Variants in ZNF607 observed in about 807,000 individuals in gnomAD.
ZNF607 encodes the protein zinc finger protein 607.
ZNF607 carries 5 observed loss-of-function variants against 12.8 expected under a neutral mutation model. The ratio of observed to expected loss-of-function variants is 0.39; its 90% confidence interval spans 0.20 to 0.82. ZNF607 has a LOEUF of 0.82. Ranked by LOEUF, ZNF607 falls within the 40% of genes least tolerant of loss-of-function variation. The pLI, the probability that ZNF607 is intolerant of heterozygous loss-of-function variation, is 0.39. For synonymous variants in ZNF607, 287 were observed against 276.2 expected, an observed-to-expected ratio of 1.04 and a Z score of -0.39; for missense variants, 851 against 859.2, an observed-to-expected ratio of 0.99 and a Z score of 0.12.
In ZNF607 at chr19:37,698,147, T is replaced by C. The variant is rs371361210; in HGVS notation, c.1984A>G (p.Ile662Val). ...TCACCAGTATGAACTCTATGATGTA[T>C]ACTAAGTTCATGGCTACTATTAAAA... ...KAFNSSHELS[I>V]HHRVHTGEKP... Residue 662 changes from isoleucine (I) to valine (V), a missense_variant, in exon 5 of 5, where the codon ATA becomes GTA. Coordinates refer to ENST00000355202, the MANE Select transcript of ZNF607 (RefSeq NM_032689.5). The C allele has an allele frequency of 3.7e-6, 6 of 1,613,994 alleles. No individual in the cohort carries two copies. Among genetic ancestry groups the C allele is most frequent in the Non-Finnish European group, 5.1e-6 (6 of 1,180,012 alleles).
chr19:37,701,445 C>T (rs939493204), intron 4 of ZNF607, among the ~76,000 whole-genome samples: 5 of 152,182 alleles, frequency 3.3e-5, no homozygotes, highest in Admixed American at 6.5e-5. Flanking sequence ...CCCTGACTCC[C>T]GCCAAAGCGC....
intron 1 of ZNF607, among the ~76,000 whole-genome samples, chr19:37,718,348 T>C (rs890658137): frequency 2.0e-5 from 3 of 152,198 alleles, no homozygotes; most frequent in African/African-American, 7.2e-5. Flanking sequence ...TGCCTCATAA[T>C]ACTTAGCGCT....
chr19:37,707,370 G>A (rs2045093563), intron 4 of ZNF607, among the ~76,000 whole-genome samples: 1 of 151,950 alleles, frequency 6.6e-6, no homozygotes, highest in East Asian at 1.9e-4. Flanking sequence ...GCACACCTGT[G>A]GTCCCAGATA....
At chr19:37,710,041 G>A (rs2045119735) in intron 2 of ZNF607, among the ~76,000 whole-genome samples, 1 of 152,186 alleles carries the variant, frequency 6.6e-6, no homozygotes, top group Non-Finnish European at 1.5e-5. Context: ...TGCACTCCCA[G>A]CTACTCGGGA....
At chr19:37,709,171 G>A (rs2045110829) in intron 3 of ZNF607, among the ~76,000 whole-genome samples, 1 of 152,118 alleles carries the variant, frequency 6.6e-6, no homozygotes, top group South Asian at 2.1e-4. Flanking sequence ...TAAATCAAAT[G>A]AATTCTGTCT....
chr19:37,717,966 T>C (rs2059396400), intron 1 of ZNF607, among the ~76,000 whole-genome samples: 1 of 152,194 alleles, frequency 6.6e-6, no homozygotes, highest in South Asian at 2.1e-4. Flanking sequence ...ATTTGTATAA[T>C]ATCCAATCCC....
chr19:37,718,019 T>C (rs1046191993), intron 1 of ZNF607, among the ~76,000 whole-genome samples: 2 of 152,136 alleles, frequency 1.3e-5, no homozygotes, highest in Non-Finnish European at 2.9e-5. Context: ...ATAATCTCGT[T>C]CATTAGTTTT....
intron 4 of ZNF607, among the ~76,000 whole-genome samples, 198 bp from the exon 5 acceptor site, chr19:37,700,093 G>C (rs1252920736): frequency 1.3e-5 from 2 of 151,526 alleles, no homozygotes; most frequent in Admixed American, 6.6e-5. Context: ...TACACAAAGA[G>C]ACACACACAC....
chr19:37,708,844 CAAAAA>C (rs745832713), intron 3 of ZNF607, among the ~76,000 whole-genome samples: 3 of 111,416 alleles, frequency 2.7e-5, no homozygotes, highest in Admixed American at 9.0e-5. Flanking sequence ...GACTCTGTCT[CAAAAA>C]AAAAAAAAAA....
At chr19:37,715,321 T>A (rs1432377582) in intron 1 of ZNF607, among the ~76,000 whole-genome samples, 2 of 151,412 alleles carry the variant, frequency 1.3e-5, no homozygotes, top group Non-Finnish European at 2.9e-5. Flanking sequence ...AAAAAAAAAT[T>A]AGGTTTTTTT....
chr19:37,699,351 C>T lies in ZNF607; in HGVS notation c.780G>A (p.Lys260=). 1 of 1,614,124 alleles carries T rather than the reference C, an allele frequency of 6.2e-7. No individual in the cohort carries two copies. Among genetic ancestry groups the T allele is most frequent in the African/African-American group, 1.3e-5 (1 of 75,030 alleles). The change falls in exon 5 of 5, where the codon AAG becomes AAA. Residue 260 remains lysine (K), a synonymous_variant. Transcript: ENST00000355202. Reference sequence around the variant, plus strand: ...TAAGGCCTGCTTTGAGCCTAAAGGACTTCCCACATTTGTTACATTCAAAGG... The same window carrying T: ...TAAGGCCTGCTTTGAGCCTAAAGGATTTCCCACATTTGTTACATTCAAAGG... ...EKPFECNKCG[K]SFRLKAGLKV...
rs746392965 is a variant in ZNF607, at chr19:37,711,598, A to G, written c.9+12T>C. 6.2e-7 allele frequency: 1 copy of G among 1,613,834 alleles called. No individual in the cohort carries two copies. The highest frequency in any genetic ancestry group is 1.3e-5 in the African/African-American group (1 of 74,940). ...CACACAAACCTCCACATGGCGAGAAATATCAACTTACATAGGACATGGTTT... is the reference window on the plus strand; with the variant it reads ...CACACAAACCTCCACATGGCGAGAAGTATCAACTTACATAGGACATGGTTT... On this transcript the variant is annotated intron_variant, in intron 2 of 4. Transcript: ENST00000355202.
intron 1 of ZNF607, among the ~76,000 whole-genome samples, chr19:37,716,397 G>C (rs926714633): frequency 6.6e-6 from 1 of 152,178 alleles, no homozygotes; most frequent in Admixed American, 6.5e-5. Flanking sequence ...AACTCTACCT[G>C]CTCCCTTAAA....
At chr19:37,718,430 A>C (rs949872554) in intron 1 of ZNF607, among the ~76,000 whole-genome samples, 1 of 152,166 alleles carries the variant, frequency 6.6e-6, no homozygotes. Flanking sequence ...TGTTGGATGG[A>C]ACCTGCAATC....
chr19:37,717,160 CAA>C (rs2045182513), intron 1 of ZNF607, among the ~76,000 whole-genome samples: 1 of 152,094 alleles, frequency 6.6e-6, no homozygotes, highest in Non-Finnish European at 1.5e-5. Flanking sequence ...AAAGTTTTTG[CAA>C]AATTCCCTTT....
In ZNF607 at chr19:37,698,219, C is replaced by T. The variant is rs754857022; in HGVS notation, c.1912G>A (p.Val638Ile). 48 of 1,613,966 alleles carry T rather than the reference C, an allele frequency of 3.0e-5. No individual in the cohort carries two copies. Among genetic ancestry groups the T allele is most frequent in the South Asian group, 1.9e-4 (17 of 91,078 alleles). ...CASYLVRHES[V>I]HADGNPYMCE... Reference sequence around the variant, plus strand: ...ATATAGGGATTTCCATCAGCATGAACGCTTTCATGTCTAACAAGATATGAG... The same window carrying T: ...ATATAGGGATTTCCATCAGCATGAATGCTTTCATGTCTAACAAGATATGAG... Residue 638 changes from valine to isoleucine, a missense_variant, in exon 5 of 5, where the codon GTT becomes ATT. By Grantham distance (29) the Val-to-Ile change is conservative. Transcript: ENST00000355202.
intron 1 of ZNF607, among the ~76,000 whole-genome samples, chr19:37,714,701 G>A (rs2045161671): frequency 6.6e-6 from 1 of 151,880 alleles, no homozygotes; most frequent in Non-Finnish European, 1.5e-5. Context: ...ATGAATGCCT[G>A]TTTCCCCATC....
chr19:37,708,159 G>A, intron 3 of ZNF607, 147 bp from the exon 4 acceptor site: 1 of 612,722 alleles, frequency 1.6e-6, no homozygotes, highest in Middle Eastern at 3.1e-4. Context: ...GATCACCCAG[G>A]GAGAGTCAAT....
At chr19:37,717,237 G>A (rs530352034) in intron 1 of ZNF607, among the ~76,000 whole-genome samples, 241 of 152,188 alleles carry the variant, frequency 1.6e-3, no homozygotes, top group African/African-American at 5.6e-3. Flanking sequence ...CCAGGCTGGC[G>A]TGCAGTGGCT....
Sources: gnomAD v4.1 joint callset for allele counts (sites outside exome capture counted in the v4.1 genomes callset) on GRCh38, gnomAD v4.1.1 for gene constraint, MANE v1.5 for transcripts, NCBI Gene and HGNC (gene_info 2026-07-23, HGNC 2026-07-21) for gene names.